The following KAZN variants were observed in gnomAD, a reference collection of about 807,000 sequenced individuals.
KAZN encodes kazrin, periplakin interacting protein.
Under a neutral mutation model 87.4 loss-of-function variants are expected in KAZN, and 40 were observed. That is an observed-to-expected ratio of 0.46 (90% CI 0.36 to 0.60). The LOEUF is 0.60. Among genes scored for constraint, KAZN ranks in the 20% least tolerant of loss-of-function variants. KAZN has a pLI of 0.00. For synonymous variants in KAZN, 466 were observed against 458.3 expected (o/e 1.02, Z -0.22); for missense variants, 898 against 1,073.9 (o/e 0.84, Z 2.29).
chr1:14,516,110 G>A (rs903372967), intron 2 of KAZN, among the ~76,000 whole-genome samples: 17 of 152,160 alleles, frequency 1.1e-4, no homozygotes, highest in African/African-American at 2.4e-4. Flanking sequence ...CAGGTGTTTC[G>A]CTTGAGCAGC....
At chr1:14,075,639 A>G (rs1643422526) in intron 1 of KAZN, among the ~76,000 whole-genome samples, 1 of 152,230 alleles carries the variant, frequency 6.6e-6, no homozygotes, top group Admixed American at 6.5e-5. Flanking sequence ...CAGAACAAAA[A>G]CGCAGTTCCT....
intron 1 of KAZN, among the ~76,000 whole-genome samples, chr1:14,719,364 C>G (rs1459157304): frequency 6.6e-6 from 1 of 152,184 alleles, no homozygotes; most frequent in African/African-American, 2.4e-5. Flanking sequence ...CCCTTGCCCT[C>G]ATGGGGCTTA....
chr1:14,352,355 A>C (rs1658618252), intron 2 of KAZN, among the ~76,000 whole-genome samples: 1 of 152,154 alleles, frequency 6.6e-6, no homozygotes, highest in African/African-American at 2.4e-5. Context: ...GAGCATTAAA[A>C]GGGCCCTTAG....
At position 15,099,618 on chromosome 1, in the gene KAZN, G is replaced by A. The variant is rs904877379; in HGVS notation, c.1548-1925G>A. 6.6e-6 allele frequency among the ~76,000 whole-genome samples: 1 copy of A among 152,140 alleles called. No individual in the cohort carries two copies. The highest frequency in any genetic ancestry group is 1.5e-5 in the Non-Finnish European group (1 of 68,012). On this transcript the variant is annotated intron_variant, in intron 10 of 14. Transcript: ENST00000376030. The surrounding 1 kb of genome is among the most constrained non-coding windows in gnomAD (Gnocchi z 5.4). ...CCAAGCCCCATGTGCGTTGGGGGAGGGGAAGTCAGCCAGGGCCAGTGCAGG... is the reference window on the plus strand; with the variant it reads ...CCAAGCCCCATGTGCGTTGGGGGAGAGGAAGTCAGCCAGGGCCAGTGCAGG...
intron 1 of KAZN, among the ~76,000 whole-genome samples, chr1:14,125,325 G>A (rs1246573361): frequency 1.3e-5 from 2 of 152,118 alleles, no homozygotes; most frequent in Non-Finnish European, 2.9e-5. Context: ...GGTCAATGGT[G>A]GCCCCCAGAA....
intron 2 of KAZN, among the ~76,000 whole-genome samples, chr1:14,206,288 T>C (rs976448207): frequency 6.6e-6 from 1 of 152,206 alleles, no homozygotes; most frequent in African/African-American, 2.4e-5. Context: ...AAAAGAAATA[T>C]AGATGCATGC....
At chr1:14,382,782 T>C (rs1331072743) in intron 2 of KAZN, among the ~76,000 whole-genome samples, 1 of 150,156 alleles carries the variant, frequency 6.7e-6, no homozygotes, top group African/African-American at 2.4e-5. Flanking sequence ...TAAACATACG[T>C]GTGCATGTGT....
chr1:14,386,648 C>G (rs1436243041), intron 2 of KAZN, among the ~76,000 whole-genome samples: 2 of 152,164 alleles, frequency 1.3e-5, no homozygotes, highest in East Asian at 3.9e-4. Flanking sequence ...GGCCCCCACT[C>G]TCTTCTGGTT....
At chr1:15,103,198 C>T (rs1341564809) in intron 11 of KAZN, among the ~76,000 whole-genome samples, 161 bp from the exon 12 acceptor site, 2 of 152,042 alleles carry the variant, frequency 1.3e-5, no homozygotes, top group African/African-American at 2.4e-5. Flanking sequence ...ACCTGGGAGG[C>T]GGAGGTTGCA....
At chr1:14,704,781 CAGG>C (rs1642123224) in intron 1 of KAZN, among the ~76,000 whole-genome samples, 1 of 152,194 alleles carries the variant, frequency 6.6e-6, no homozygotes, top group Non-Finnish European at 1.5e-5. Context: ...AGAGACATGG[CAGG>C]AGGGCAGGAG....
chr1:15,112,525 A>C lies in KAZN; in HGVS notation c.2147A>C (p.Lys716Thr). 1 of 1,603,618 alleles carries C rather than the reference A, an allele frequency of 6.2e-7. No homozygotes were observed. The highest frequency in any genetic ancestry group is 8.5e-7 in the Non-Finnish European group (1 of 1,175,798). Residue 716 changes from lysine to threonine, a missense_variant, in exon 14 of 15, where the codon AAG (lysine) becomes ACG (threonine). Physicochemically the swap from Lys to Thr is moderately conservative, Grantham distance 78 (BLOSUM62 -1). This residue lies in a region of KAZN where 127 missense variants were observed against 121.5 expected (regional missense o/e 1.04). Coordinates refer to ENST00000376030, the MANE Select transcript of KAZN (RefSeq NM_201628.3). Reference sequence around the variant, plus strand: ...AAGGAGGAGAACAGCAGCGGTCTCAAGTACAAGGCTGGCCGGGTAAGTCTC... The same window carrying C: ...AAGGAGGAGAACAGCAGCGGTCTCACGTACAAGGCTGGCCGGGTAAGTCTC... ...AGKEENSSGL[K>T]YKAGRLPLGK...
chr1:13,956,812 C>T (rs755526822), intron 1 of KAZN, among the ~76,000 whole-genome samples: 1 of 152,190 alleles, frequency 6.6e-6, no homozygotes, highest in South Asian at 2.1e-4. Flanking sequence ...GGGAGCTGCT[C>T]ACCTGTGTTT....
intron 2 of KAZN, among the ~76,000 whole-genome samples, chr1:14,568,934 G>C: frequency 6.6e-6 from 1 of 152,170 alleles, no homozygotes. Flanking sequence ...ATTTCCATTA[G>C]CCCTGGGGAA....
At chr1:15,037,217 G>A (rs564618903) in intron 3 of KAZN, among the ~76,000 whole-genome samples, 2 of 152,340 alleles carry the variant, frequency 1.3e-5, no homozygotes, top group Non-Finnish European at 2.9e-5. Flanking sequence ...AGGGAAACCT[G>A]GTTACCTCTT....
rs1672141963 is a variant in KAZN, at chr1:14,530,360, T to C, written c.250-68623T>C. 3.3e-5 allele frequency among the ~76,000 whole-genome samples: 5 copies of C among 152,212 alleles called. No homozygotes were observed. The South Asian group carries it at 1.0e-3, about 31-fold the overall frequency. On this transcript the variant is annotated intron_variant, in intron 2 of 16. Coordinates refer to the KAZN transcript ENST00000636203. ...TTATCCGTCTCTGCCATCAGTGGAC[T>C]GCAGCCTTCCTAAGCCAGAAAAGGA...
Position 13,905,218 on chromosome 1 carries a change from C to T in KAZN, c.91+11462C>T, listed in dbSNP as rs569189428. ...GATAAAGGAATTTTATAATCCAATT[C>T]TGGCACTCCTGAGTACATTTCTTCT... On this transcript the variant is annotated intron_variant, in intron 1 of 16. Transcript: ENST00000636203. 2.0e-4 allele frequency among the ~76,000 whole-genome samples: 30 copies of T among 152,296 alleles called. No individual in the cohort carries two copies. In the South Asian group the frequency reaches 4.6e-3, roughly 23 times the overall value.
At chr1:14,745,004 A>C (rs1644221054) in intron 1 of KAZN, among the ~76,000 whole-genome samples, 1 of 152,178 alleles carries the variant, frequency 6.6e-6, no homozygotes, top group Non-Finnish European at 1.5e-5. Flanking sequence ...GGCAGTGGTA[A>C]CTTACTACAG....
At chr1:14,750,133 G>A (rs1301099033) in intron 1 of KAZN, among the ~76,000 whole-genome samples, 1 of 152,072 alleles carries the variant, frequency 6.6e-6, no homozygotes, top group Non-Finnish European at 1.5e-5. Flanking sequence ...GCTGGGTAAC[G>A]GGCACAGGGT....
At chr1:14,505,004 C>T (rs1319810334) in intron 2 of KAZN, among the ~76,000 whole-genome samples, 1 of 152,178 alleles carries the variant, frequency 6.6e-6, no homozygotes, top group African/African-American at 2.4e-5. Flanking sequence ...GAAGCAAATA[C>T]CACCGAAAAG....
Sources: allele counts gnomAD v4.1 joint callset (sites outside exome capture counted in the v4.1 genomes callset), GRCh38; gene constraint gnomAD v4.1.1; regional missense constraint gnomAD v4.1.1; non-coding constraint Gnocchi (gnomAD v3.1); transcripts MANE v1.5; gene names NCBI Gene and HGNC (gene_info 2026-07-23, HGNC 2026-07-21).